The following MYO16 variants were observed in gnomAD, a reference collection of about 807,000 sequenced individuals.
MYO16 encodes the protein unconventional myosin-XVI.
Under a neutral mutation model 205.3 loss-of-function variants are expected in MYO16, and 94 were observed. That is an observed-to-expected ratio of 0.46 (90% CI 0.39 to 0.54). The LOEUF (loss-of-function observed/expected upper bound fraction) is 0.54, where lower values mean the gene tolerates loss of function less well. MYO16 is among the 20% of genes least tolerant of loss of function. The pLI, the probability that MYO16 is intolerant of heterozygous loss-of-function variation, is 0.00. For synonymous variants in MYO16, 988 were observed against 954.0 expected (o/e 1.04, Z -0.66); for missense variants, 2,315 against 2,387.5 (o/e 0.97, Z 0.63).
At chr13:108,886,070 C>A (rs1204788172) in intron 13 of MYO16, among the ~76,000 whole-genome samples, 1 of 152,076 alleles carries the variant, frequency 6.6e-6, no homozygotes, top group East Asian at 1.9e-4. Flanking sequence ...TCACTGCAAG[C>A]TCCGCCTCCC....
chr13:109,070,964 C>T (rs957877683), intron 27 of MYO16, among the ~76,000 whole-genome samples: 2 of 152,156 alleles, frequency 1.3e-5, no homozygotes, highest in African/African-American at 4.8e-5. Flanking sequence ...CCACAGAATA[C>T]TCATGGCATG....
chr13:108,820,082 T>C (rs934042650), intron 7 of MYO16, among the ~76,000 whole-genome samples: 3 of 152,228 alleles, frequency 2.0e-5, no homozygotes, highest in South Asian at 4.1e-4. Context: ...TTATAAAGTG[T>C]CCTTTTCAAA....
intron 28 of MYO16, among the ~76,000 whole-genome samples, chr13:109,117,827 G>T (rs1471945620): frequency 1.3e-5 from 2 of 152,088 alleles, no homozygotes; most frequent in African/African-American, 4.8e-5. Flanking sequence ...ACAGTTTTCA[G>T]AATTCAAGAC....
chr13:108,995,064 C>T (rs1299558157), intron 21 of MYO16, among the ~76,000 whole-genome samples: 1 of 152,204 alleles, frequency 6.6e-6, no homozygotes, highest in East Asian at 1.9e-4. Context: ...TTTTCTCTGA[C>T]TTTATCTTAG....
intron 16 of MYO16, among the ~76,000 whole-genome samples, chr13:108,928,032 T>C (rs1467488453): frequency 6.6e-6 from 1 of 152,226 alleles, no homozygotes; most frequent in Non-Finnish European, 1.5e-5. Flanking sequence ...TACCCTTCCA[T>C]CTCCAGCCTG....
intron 4 of MYO16, among the ~76,000 whole-genome samples, chr13:108,773,317 T>A (rs1021349729): frequency 1.3e-5 from 2 of 152,232 alleles, no homozygotes; most frequent in African/African-American, 4.8e-5. Context: ...AAGGTTGCCA[T>A]AATAGAATAC....
chr13:108,596,676 C>A (rs1441075704), intron 1 of MYO16, among the ~76,000 whole-genome samples: 1 of 152,102 alleles, frequency 6.6e-6, no homozygotes, highest in Non-Finnish European at 1.5e-5. Context: ...ATTTTAAATG[C>A]CTGTATGGTA....
intron 23 of MYO16, among the ~76,000 whole-genome samples, chr13:109,022,407 A>ATG (rs1234547895): frequency 1.6e-5 from 2 of 122,570 alleles, no homozygotes; most frequent in South Asian, 2.5e-4. Context: ...GTATATATGT[A>ATG]TATATTGTAT....
At chr13:108,655,249 G>C (rs1395990882) in intron 1 of MYO16, among the ~76,000 whole-genome samples, 1 of 152,156 alleles carries the variant, frequency 6.6e-6, no homozygotes, top group African/African-American at 2.4e-5. Flanking sequence ...GCAGCCTAGG[G>C]ACTTAGTGTC....
chr13:109,078,785 A>T (rs918919754), intron 27 of MYO16, among the ~76,000 whole-genome samples: 1 of 152,186 alleles, frequency 6.6e-6, no homozygotes, highest in African/African-American at 2.4e-5. Context: ...ATATCTTAGT[A>T]CTGATGCAAA....
At chr13:108,798,717 G>A in intron 6 of MYO16, among the ~76,000 whole-genome samples, 1 of 19,480 alleles carries the variant, frequency 5.1e-5, no homozygotes, top group East Asian at 7.7e-4. Flanking sequence ...TTTTTTTTTT[G>A]AGATGGAGTC....
chr13:108,789,786 T>C (rs542224364), intron 5 of MYO16, among the ~76,000 whole-genome samples: 27 of 152,328 alleles, frequency 1.8e-4, no homozygotes, highest in African/African-American at 6.5e-4. Context: ...ATAGGTCATA[T>C]TATAGTGAAT....
chr13:108,742,768 G>A (rs1167625137), intron 4 of MYO16, among the ~76,000 whole-genome samples: 1 of 152,138 alleles, frequency 6.6e-6, no homozygotes, highest in Non-Finnish European at 1.5e-5. Context: ...CTAAGATGTT[G>A]AATCAATGCA....
chr13:108,578,643 A>T, the MYO16 span, among the ~76,000 whole-genome samples: 3 of 152,146 alleles, frequency 2.0e-5, no homozygotes, highest in East Asian at 5.8e-4. Context: ...CCCCACTGGG[A>T]TGTCTGGCTG....
chr13:108,537,182 G>T, the MYO16 span, among the ~76,000 whole-genome samples: 6 of 151,960 alleles, frequency 3.9e-5, no homozygotes, highest in Non-Finnish European at 8.8e-5. Flanking sequence ...CCCAGTATCT[G>T]TTATTCCCAT....
chr13:108,689,262 T>C (rs774026972), intron 2 of MYO16, among the ~76,000 whole-genome samples: 13 of 152,146 alleles, frequency 8.5e-5, no homozygotes, highest in Admixed American at 3.3e-4. Context: ...TCCAATTTTT[T>C]AATATGCCAT....
At chr13:108,603,930 G>T (rs1023723645) in intron 1 of MYO16, among the ~76,000 whole-genome samples, 11 of 152,058 alleles carry the variant, frequency 7.2e-5, no homozygotes, top group African/African-American at 2.4e-4. Context: ...ATAAATAGCT[G>T]AGACCAGGTA....
At chr13:109,026,549 G>A (rs1381760345) in intron 23 of MYO16, among the ~76,000 whole-genome samples, 1 of 152,072 alleles carries the variant, frequency 6.6e-6, no homozygotes, top group African/African-American at 2.4e-5. Flanking sequence ...CTTGTTATTT[G>A]TTGCAGCCAT....
intron 27 of MYO16, among the ~76,000 whole-genome samples, chr13:109,080,652 G>A (rs1395292373): frequency 6.6e-6 from 1 of 151,804 alleles, no homozygotes; most frequent in East Asian, 1.9e-4. Context: ...GTAGGAGTTA[G>A]CAGGAAATCC....
Sources: gnomAD v4.1 joint callset for allele counts (sites outside exome capture counted in the v4.1 genomes callset) on GRCh38, gnomAD v4.1.1 for gene constraint, MANE v1.5 for transcripts, NCBI Gene and HGNC (gene_info 2026-07-23, HGNC 2026-07-21) for gene names.